The following RMI1 variants were observed in gnomAD, a reference collection of about 807,000 sequenced individuals.
RMI1 encodes RecQ mediated genome instability 1.
Under a neutral mutation model 46.7 loss-of-function variants are expected in RMI1, and 36 were observed. That is an observed-to-expected ratio of 0.77 (90% CI 0.59 to 1.02). The LOEUF (loss-of-function observed/expected upper bound fraction) is 1.02. Among genes scored for constraint, RMI1 ranks in the 50% least tolerant of loss-of-function variants. The pLI is 0.00. For synonymous variants in RMI1, 250 were observed against 252.9 expected, an observed-to-expected ratio of 0.99 and a Z score of 0.11; for missense variants, 676 against 713.7, an observed-to-expected ratio of 0.95 and a Z score of 0.60.
chr9:83,997,558 G>C lies in RMI1; in HGVS notation c.-125-2151G>C, dbSNP rs568498499. Among the ~76,000 whole-genome samples, 4 of 152,228 alleles carry C rather than the reference G, an allele frequency of 2.6e-5. No individual in the cohort carries two copies. In the East Asian group the frequency reaches 7.7e-4, roughly 29 times the overall value. Reference sequence around the variant, plus strand: ...GAGGAGGGCTCCGCACCCACTGGGAGGAGGGTGTCACATGGAAAACTGGCA... The same window carrying C: ...GAGGAGGGCTCCGCACCCACTGGGACGAGGGTGTCACATGGAAAACTGGCA... On this transcript the variant is annotated intron_variant, in intron 1 of 2. Coordinates refer to ENST00000445877, the MANE Select transcript of RMI1 (RefSeq NM_001358291.2).
intron 1 of RMI1, among the ~76,000 whole-genome samples, chr9:83,993,638 A>G (rs905230987): frequency 2.6e-5 from 4 of 152,132 alleles, no homozygotes; most frequent in Admixed American, 2.6e-4. Flanking sequence ...ATCCTCTCCA[A>G]TACTTGTTAT....
chr9:84,000,954 A>G lies in RMI1; in HGVS notation c.-33A>G, dbSNP rs1957727567. On this transcript the variant is annotated 5_prime_UTR_variant, in exon 3 of 3. Coordinates refer to ENST00000445877, the MANE Select transcript of RMI1 (RefSeq NM_001358291.2). ...TTTTTTTGTTTTTTGTTTTCAGGTA[A>G]TAGATGCATATTATTTCTTTTATTT... The G allele has an allele frequency of 1.3e-6, 2 of 1,503,998 alleles. No individual in the cohort carries two copies. Among genetic ancestry groups the G allele is most frequent in the Non-Finnish European group, 1.8e-6 (2 of 1,116,834 alleles). The allele number at this position is 1,503,998 out of a possible 1,614,324, so 93.2% of individuals were successfully genotyped here. A position where few individuals can be genotyped will look rare whatever the true frequency, so the allele number is the denominator to read the frequency against.
At chr9:83,985,789 A>G (rs1165574237) in intron 1 of RMI1, among the ~76,000 whole-genome samples, 1 of 152,186 alleles carries the variant, frequency 6.6e-6, no homozygotes, top group Non-Finnish European at 1.5e-5. Flanking sequence ...CGGGTGGATC[A>G]CGAGGTCAGG....
rs1419250408 is a variant in RMI1 at position 84,000,856 on chromosome 9, T to C, written c.-36-95T>C. 7.8e-6 allele frequency: 5 copies of C among 641,532 alleles called. No homozygotes were observed. The African/African-American group carries it at 9.2e-5, about 12-fold the overall frequency. 39.7% of individuals were successfully genotyped at this position (641,532 alleles called of 1,614,324 possible). ...ATGTAAGATGCTGAAGAGTGAAAAA[T>C]CTAAAGGGTGTGCCTGTCTGTGCAT... On this transcript the variant is annotated intron_variant, in intron 2 of 2. Coordinates refer to ENST00000445877, the MANE Select transcript of RMI1 (RefSeq NM_001358291.2).
At chr9:83,995,792 C>A (rs921183403) in intron 1 of RMI1, among the ~76,000 whole-genome samples, 1 of 152,186 alleles carries the variant, frequency 6.6e-6, no homozygotes, top group Non-Finnish European at 1.5e-5. Context: ...GTTATCTCCT[C>A]ATTTGTTGTT....
chr9:83,999,589 A>C (rs1011260877), intron 1 of RMI1, 120 bp from the exon 2 acceptor site: 2 of 152,240 alleles, frequency 1.3e-5, no homozygotes, highest in Non-Finnish European at 2.9e-5. Context: ...TAACTTTCTC[A>C]TGGTCTCTTG....
At chr9:83,981,902 C>T (rs1364171127) in intron 1 of RMI1, among the ~76,000 whole-genome samples, 1 of 152,192 alleles carries the variant, frequency 6.6e-6, no homozygotes, top group Non-Finnish European at 1.5e-5. Flanking sequence ...CTGAGGATTT[C>T]ATGACAAACA....
At chr9:83,996,816 G>A (rs1957660341) in intron 1 of RMI1, among the ~76,000 whole-genome samples, 1 of 152,092 alleles carries the variant, frequency 6.6e-6, no homozygotes, top group Admixed American at 6.5e-5. Flanking sequence ...GAAAGTGAAG[G>A]CAAAGCAGGT....
chr9:83,993,601 A>G (rs1299700388), intron 1 of RMI1, among the ~76,000 whole-genome samples: 1 of 152,070 alleles, frequency 6.6e-6, no homozygotes, highest in African/African-American at 2.4e-5. Flanking sequence ...TAATATTAAC[A>G]GTGCACAGGG....
rs1372595893 is a variant in RMI1, at chr9:84,002,819, T to C, written c.1833T>C (p.Val611=). The C allele has an allele frequency of 1.0e-5, 16 of 1,590,980 alleles. No homozygotes were observed. In the African/African-American group the frequency reaches 2.0e-4, roughly 20 times the overall value. Residue 611 remains valine, a synonymous_variant, in exon 3 of 3, where the codon GTT becomes GTC. Coordinates refer to ENST00000445877, the MANE Select transcript of RMI1 (RefSeq NM_001358291.2). ...SKAMVLALQD[V]NMEHLENLKK... ...CAATGGTACTGGCATTACAAGATGTTAATATGGAACACCTTGAGAATCTAA... is the reference window on the plus strand; with the variant it reads ...CAATGGTACTGGCATTACAAGATGTCAATATGGAACACCTTGAGAATCTAA...
At chr9:83,990,707 G>A (rs971210291) in intron 1 of RMI1, among the ~76,000 whole-genome samples, 5 of 152,008 alleles carry the variant, frequency 3.3e-5, no homozygotes, top group Admixed American at 2.6e-4. Flanking sequence ...TGTATGTATC[G>A]GAATATCATG....
At position 84,002,481 on chromosome 9, in the gene RMI1, G is replaced by A. The variant is rs774932653; in HGVS notation, c.1495G>A (p.Ala499Thr). The A allele has an allele frequency of 6.2e-7, 1 of 1,613,884 alleles. No homozygotes were observed. Among genetic ancestry groups the A allele is most frequent in the Admixed American group, 1.7e-5 (1 of 59,998 alleles). Residue 499 changes from alanine to threonine, a missense_variant, in exon 3 of 3, where the codon GCC becomes ACC. By Grantham distance (58) the Ala-to-Thr change is moderately conservative. Coordinates refer to ENST00000445877, the MANE Select transcript of RMI1 (RefSeq NM_001358291.2). ...CTTTGTCTATTTGTCTGTTCTAATGGCCAGCAAACCAAAGGAAGTTACAAC... is the reference window on the plus strand; with the variant it reads ...CTTTGTCTATTTGTCTGTTCTAATGACCAGCAAACCAAAGGAAGTTACAAC... ...PPFVYLSVLM[A>T]SKPKEVTTVK... is the part of the protein sequence containing the mutation.
rs1307104748 is a variant in RMI1, at chr9:84,002,962, A to C, written c.*98A>C. The C allele has an allele frequency of 8.8e-6, 6 of 684,508 alleles. No individual in the cohort carries two copies. The East Asian group carries it at 1.7e-4, about 19-fold the overall frequency. The allele number at this position is 684,508 out of a possible 1,614,324, so 42.4% of individuals were successfully genotyped here. On this transcript the variant is annotated 3_prime_UTR_variant, in exon 3 of 3. Coordinates refer to ENST00000445877, the MANE Select transcript of RMI1 (RefSeq NM_001358291.2). ...ATGATACTTTGTGTAAAAAGGAAAAATGAAATTTCATAGCTTATTTCAGTT... is the reference window on the plus strand; with the variant it reads ...ATGATACTTTGTGTAAAAAGGAAAACTGAAATTTCATAGCTTATTTCAGTT...
In RMI1 at chr9:84,002,595, G is replaced by A. The variant is rs1047756900; in HGVS notation, c.1609G>A (p.Gly537Ser). The A allele has an allele frequency of 1.2e-6, 2 of 1,613,806 alleles. No individual in the cohort carries two copies. The highest frequency in any genetic ancestry group is 2.7e-5 in the African/African-American group (2 of 74,914). ...GAGTATAACTGCAAAGGTGTCTGAT[G>A]GTACTGCATATCTAGATGTAGACTT... Reference protein sequence around the residue: ...IWSITAKVSDGTAYLDVDFVD... With the variant: ...IWSITAKVSDSTAYLDVDFVD... The change falls in exon 3 of 3, where the codon GGT becomes AGT. Residue 537 changes from glycine to serine, a missense_variant. Transcript: ENST00000445877.
Position 84,001,241 on chromosome 9 carries a change from TGC to T in RMI1, c.256_257del (p.Ala86SerfsTer4). On this transcript the variant is annotated frameshift_variant, in exon 3 of 3. Transcript: ENST00000445877. LOFTEE classifies it high-confidence loss of function. ...IPKGELNGFY[A>X]LQINSLVDVS... Reference sequence around the variant, plus strand: ...CAAAAGGAGAATTAAATGGATTTTATGCTCTGCAGATTAATTCCTTGGTTGAT... The same window carrying T: ...CAAAAGGAGAATTAAATGGATTTTATTCTGCAGATTAATTCCTTGGTTGAT... The T allele has an allele frequency of 6.2e-7, 1 of 1,614,142 alleles. No individual in the cohort carries two copies. The highest frequency in any genetic ancestry group is 8.5e-7 in the Non-Finnish European group (1 of 1,179,990).
chr9:83,997,047 CTTTTT>C (rs929111971), intron 1 of RMI1, among the ~76,000 whole-genome samples: 1 of 137,120 alleles, frequency 7.3e-6, no homozygotes, highest in African/African-American at 2.7e-5. Context: ...TTCCCCCCCC[CTTTTT>C]TTTTTGGCAG....
At chr9:83,998,239 A>G (rs982073451) in intron 1 of RMI1, among the ~76,000 whole-genome samples, 1 of 152,160 alleles carries the variant, frequency 6.6e-6, no homozygotes, top group Non-Finnish European at 1.5e-5. Context: ...GAATTTTTAC[A>G]TTGTTTTTTA....
chr9:84,002,720 G>T lies in RMI1; in HGVS notation c.1734G>T (p.Leu578Phe), dbSNP rs1227252415. Residue 578 changes from leucine (L) to phenylalanine (F), a missense_variant, in exon 3 of 3, where the codon TTG becomes TTT. Physicochemically the swap from Leu to Phe is conservative, Grantham distance 22. Coordinates refer to ENST00000445877, the MANE Select transcript of RMI1 (RefSeq NM_001358291.2). ...PLQYQKFLEG[L>F]QKCQRDLIDL... ...AATACCAAAAGTTCCTGGAAGGGTT[G>T]CAGAAATGTCAAAGAGATCTAATAG... 1.9e-6 allele frequency: 3 copies of T among 1,613,948 alleles called. No homozygotes were observed. The highest frequency in any genetic ancestry group is 1.3e-5 in the African/African-American group (1 of 75,032).
chr9:83,992,190 T>G (rs968355431), intron 1 of RMI1, among the ~76,000 whole-genome samples: 1 of 152,242 alleles, frequency 6.6e-6, no homozygotes, highest in African/African-American at 2.4e-5. Context: ...AGCATAGTGT[T>G]TGCCTTTTAG....
Sources: allele counts gnomAD v4.1 joint callset (sites outside exome capture counted in the v4.1 genomes callset), GRCh38; gene constraint gnomAD v4.1.1; transcripts MANE v1.5; gene names NCBI Gene and HGNC (gene_info 2026-07-23, HGNC 2026-07-21).